Variants in TCF12 observed in about 807,000 individuals in gnomAD.
TCF12 encodes transcription factor 12, also known as DNA-binding protein HTF4.
TCF12 carries 45 observed loss-of-function variants against 86.0 expected under a neutral mutation model. That is an observed-to-expected ratio of 0.52 (90% CI 0.41 to 0.67). The LOEUF (loss-of-function observed/expected upper bound fraction) is 0.67. Ranked by LOEUF, TCF12 falls within the 30% of genes least tolerant of loss-of-function variation. TCF12 has a pLI of 0.00. For synonymous variants in TCF12, 330 were observed against 299.6 expected, an observed-to-expected ratio of 1.10 and a Z score of -1.05; for missense variants, 881 against 859.9, an observed-to-expected ratio of 1.02 and a Z score of -0.31.
chr15:57,169,553 A>C (rs894516049), intron 6 of TCF12, among the ~76,000 whole-genome samples: 1 of 152,196 alleles, frequency 6.6e-6, no homozygotes, highest in Admixed American at 6.5e-5. Context: ...CATTTCAAAA[A>C]ATAAATAAAT....
At chr15:57,205,095 T>G (rs2057746566) in intron 8 of TCF12, among the ~76,000 whole-genome samples, 1 of 152,080 alleles carries the variant, frequency 6.6e-6, no homozygotes, top group African/African-American at 2.4e-5. Context: ...GGCAGATCAC[T>G]TGAGCCCAGG....
intron 3 of TCF12, among the ~76,000 whole-genome samples, chr15:57,000,815 C>G (rs2063984290): frequency 6.6e-6 from 1 of 151,928 alleles, no homozygotes; most frequent in African/African-American, 2.4e-5. Flanking sequence ...TGATTTGTGT[C>G]AAATTTACCA....
intron 5 of TCF12, among the ~76,000 whole-genome samples, chr15:57,164,977 CA>C (rs1261137898): frequency 2.0e-5 from 3 of 152,116 alleles, no homozygotes; most frequent in Admixed American, 2.0e-4. Context: ...CACTGCCCCC[CA>C]CCACAGCAAG....
At chr15:57,219,270 C>A in intron 8 of TCF12, 1 of 1,177,996 alleles carries the variant, frequency 8.5e-7, no homozygotes. Context: ...TTTTTAATAC[C>A]TCAAATTTTG....
intron 5 of TCF12, among the ~76,000 whole-genome samples, chr15:57,153,404 A>G (rs2053899549): frequency 6.6e-6 from 1 of 152,228 alleles, no homozygotes; most frequent in Non-Finnish European, 1.5e-5. Flanking sequence ...AACTTTATTT[A>G]CAAAAACAGG....
intron 3 of TCF12, among the ~76,000 whole-genome samples, chr15:56,947,187 G>A (rs555680220): frequency 6.6e-6 from 1 of 152,228 alleles, no homozygotes; most frequent in African/African-American, 2.4e-5. Context: ...CAACGTTTAG[G>A]CTGTATTCAG....
In TCF12 at chr15:56,984,014, A is replaced by AAG. The variant is rs1555465482; in HGVS notation, c.148+62917_148+62918insGA. ...GAGACCCTGTCTCAAAAAAAAAAAAAAAGAAGAAGAAGAATTTTGGATCAA... is the reference window on the plus strand; with the variant it reads ...GAGACCCTGTCTCAAAAAAAAAAAAAAGAAGAAGAAGAAGAATTTTGGATCAA... On this transcript the variant is annotated intron_variant, in intron 3 of 20. Coordinates refer to ENST00000333725, the MANE Select transcript of TCF12 (RefSeq NM_207037.2). Among the ~76,000 whole-genome samples, 22 of 104,398 alleles carry AAG rather than the reference A, an allele frequency of 2.1e-4. 1 individual carries two copies. Among genetic ancestry groups the AAG allele is most frequent in the Non-Finnish European group, 3.4e-4 (19 of 56,550 alleles). The allele number at this position is 104,398 out of a possible 152,430, so 68.5% of individuals were successfully genotyped here. A position where few individuals can be genotyped will look rare whatever the true frequency, so the allele number is the denominator to read the frequency against.
chr15:57,212,038 T>A (rs2058132914), intron 8 of TCF12, among the ~76,000 whole-genome samples: 1 of 151,456 alleles, frequency 6.6e-6, no homozygotes, highest in African/African-American at 2.4e-5. Context: ...CCTGGTATCA[T>A]CTATGCCAGT....
intron 5 of TCF12, among the ~76,000 whole-genome samples, chr15:57,100,842 T>G (rs554654839): frequency 6.6e-6 from 1 of 152,160 alleles, no homozygotes; most frequent in Non-Finnish European, 1.5e-5. Context: ...AATAATTTTT[T>G]AAAAAAATTT....
chr15:57,061,179 C>G (rs1468336706), intron 3 of TCF12, among the ~76,000 whole-genome samples: 2 of 152,180 alleles, frequency 1.3e-5, no homozygotes, highest in Admixed American at 1.3e-4. Flanking sequence ...AGTAGAGTCA[C>G]TTGATGAAAA....
intron 5 of TCF12, among the ~76,000 whole-genome samples, chr15:57,158,184 GTTTCTTTTT>G (rs1429473200): frequency 1.9e-4 from 26 of 134,118 alleles, no homozygotes; most frequent in Non-Finnish European, 3.7e-4. Context: ...TCAGAAAGTC[GTTTCTTTTT>G]TTTTTTTTTC....
chr15:57,106,892 C>A (rs142477673), intron 5 of TCF12, among the ~76,000 whole-genome samples: 91 of 152,246 alleles, frequency 6.0e-4, no homozygotes, highest in African/African-American at 2.1e-3. Flanking sequence ...ATTAAAACAA[C>A]CAAAATCCAA....
chr15:56,998,267 G>A (rs1472347427), intron 3 of TCF12, among the ~76,000 whole-genome samples: 1 of 152,034 alleles, frequency 6.6e-6, no homozygotes, highest in Non-Finnish European at 1.5e-5. Flanking sequence ...GACCAGCCTG[G>A]ACAACATGGT....
intron 3 of TCF12, among the ~76,000 whole-genome samples, chr15:57,029,342 T>C (rs569971675): frequency 6.6e-6 from 1 of 152,332 alleles, no homozygotes; most frequent in Admixed American, 6.5e-5. Context: ...TATTGTAATT[T>C]ATGCCTACCT....
chr15:57,055,082 TGC>T (rs2141619317), intron 3 of TCF12, among the ~76,000 whole-genome samples: 1 of 152,226 alleles, frequency 6.6e-6, no homozygotes, highest in Non-Finnish European at 1.5e-5. Context: ...TTCCCTAGGA[TGC>T]AGGTCTTCCT....
chr15:57,018,761 G>T (rs1015248852), intron 3 of TCF12, among the ~76,000 whole-genome samples: 1 of 152,050 alleles, frequency 6.6e-6, no homozygotes, highest in Non-Finnish European at 1.5e-5. Context: ...TAATTTGAAA[G>T]GGCTCATATT....
intron 3 of TCF12, among the ~76,000 whole-genome samples, chr15:56,996,208 G>A (rs1336753370): frequency 6.6e-6 from 1 of 152,056 alleles, no homozygotes; most frequent in East Asian, 1.9e-4. Flanking sequence ...GAGGATTTTT[G>A]TGTCTGTATT....
chr15:57,232,669 A>T (rs1336791859), intron 10 of TCF12, 43 bp from the exon 11 acceptor site: 14 of 1,576,402 alleles, frequency 8.9e-6, no homozygotes, highest in Non-Finnish European at 9.5e-6. Flanking sequence ...TGTGAATATT[A>T]TTCAGAAAAT....
chr15:57,102,435 T>C (rs1718163023), intron 5 of TCF12, among the ~76,000 whole-genome samples: 1 of 152,064 alleles, frequency 6.6e-6, no homozygotes, highest in South Asian at 2.1e-4. Context: ...CCGTCTCTAC[T>C]AAAAATACCA....
Sources: gnomAD v4.1 joint callset for allele counts (sites outside exome capture counted in the v4.1 genomes callset) on GRCh38, gnomAD v4.1.1 for gene constraint, MANE v1.5 for transcripts, NCBI Gene and HGNC (gene_info 2026-07-23, HGNC 2026-07-21) for gene names.